The following EXOC6B variants were observed in gnomAD, a reference collection of about 807,000 sequenced individuals.
EXOC6B encodes SEC15 homolog B.
A neutral mutation model predicts 113.5 loss-of-function variants in EXOC6B; 54 were observed. The observed-to-expected ratio is 0.48, with a 90% CI of 0.38 to 0.60. The LOEUF is 0.60. Among genes scored for constraint, EXOC6B ranks in the 20% least tolerant of loss-of-function variants. The pLI is 0.00. For synonymous variants in EXOC6B, 357 were observed against 339.0 expected (o/e 1.05, Z -0.58); for missense variants, 797 against 977.5 (o/e 0.82, Z 2.46).
intron 19 of EXOC6B, among the ~76,000 whole-genome samples, chr2:72,367,967 A>G (rs1690743338): frequency 6.6e-6 from 1 of 152,180 alleles, no homozygotes; most frequent in East Asian, 1.9e-4. Flanking sequence ...AAGACAGTCT[A>G]GAACACAAGG....
At chr2:72,616,698 C>T (rs982654259) in intron 6 of EXOC6B, among the ~76,000 whole-genome samples, 3 of 152,082 alleles carry the variant, frequency 2.0e-5, no homozygotes, top group East Asian at 1.9e-4. Flanking sequence ...TATCCCCCAC[C>T]GAGTCCCTCC....
rs946284153 is a variant in EXOC6B at position 72,177,197 on chromosome 2, A to T, written c.*2138T>A. The T allele has an allele frequency of 2.0e-5, 3 of 152,294 alleles. No homozygotes were observed. Among genetic ancestry groups the T allele is most frequent in the Admixed American group, 6.5e-5 (1 of 15,300 alleles). 9.4% of individuals were successfully genotyped at this position (152,294 alleles called of 1,614,324 possible). On this transcript the variant is annotated 3_prime_UTR_variant, in exon 22 of 22. Coordinates refer to ENST00000272427, the MANE Select transcript of EXOC6B (RefSeq NM_015189.3). ...GGGACTTCTGTGCAGAATAACCCCT[A>T]TTCCTCCACCTTGTTCACTTTTTCC...
chr2:72,636,067 TA>T (rs1672796244), intron 6 of EXOC6B, among the ~76,000 whole-genome samples: 1 of 151,962 alleles, frequency 6.6e-6, no homozygotes, highest in Non-Finnish European at 1.5e-5. Flanking sequence ...AAAATTTCTT[TA>T]AAAAATTAGT....
chr2:72,779,042 G>A (rs1408769621), intron 1 of EXOC6B, among the ~76,000 whole-genome samples: 1 of 151,842 alleles, frequency 6.6e-6, no homozygotes, highest in Non-Finnish European at 1.5e-5. Context: ...AATAGCTCAT[G>A]TTTCTTCCAT....
intron 8 of EXOC6B, among the ~76,000 whole-genome samples, chr2:72,536,508 T>C (rs1386370464): frequency 1.3e-5 from 2 of 152,198 alleles, no homozygotes; most frequent in African/African-American, 4.8e-5. Flanking sequence ...TTTTTTAAAA[T>C]TGTAAAGGTT....
At position 72,671,808 on chromosome 2, in the gene EXOC6B, AAAGAAAGAAAG is replaced by A. The variant is rs1430611890; in HGVS notation, c.669+46284_669+46294del. 3.6e-4 allele frequency among the ~76,000 whole-genome samples: 50 copies of A among 139,724 alleles called. 1 individual carries two copies. Among genetic ancestry groups the A allele is most frequent in the African/African-American group, 1.2e-3 (46 of 38,802 alleles). The allele number at this position is 139,724 out of a possible 152,430, so 91.7% of individuals were successfully genotyped here. A position where few individuals can be genotyped will look rare whatever the true frequency, so the allele number is the denominator to read the frequency against. On this transcript the variant is annotated intron_variant, in intron 6 of 21. Coordinates refer to ENST00000272427, the MANE Select transcript of EXOC6B (RefSeq NM_015189.3). ...GAAAGAAAGAAAGAAAGAAAGAAAGAAAGAAAGAAAGAAGAGAAAAGAAAGAAGGAAAGAAT... is the reference window on the plus strand; with the variant it reads ...GAAAGAAAGAAAGAAAGAAAGAAAGAAAGAGAAAAGAAAGAAGGAAAGAAT...
At chr2:72,464,540 C>G (rs1558693787) in intron 18 of EXOC6B, 1 of 152,324 alleles carries the variant, frequency 6.6e-6, no homozygotes, top group African/African-American at 2.4e-5. Flanking sequence ...TGAACCTTTT[C>G]TGGTGGAAGA....
At chr2:72,744,613 T>G (rs575067381) in intron 1 of EXOC6B, among the ~76,000 whole-genome samples, 18 of 152,296 alleles carry the variant, frequency 1.2e-4, no homozygotes, top group African/African-American at 4.1e-4. Flanking sequence ...ATAAATTGCA[T>G]AAGCTGATAT....
chr2:72,241,110 G>C (rs1682284954), intron 20 of EXOC6B, among the ~76,000 whole-genome samples: 1 of 152,122 alleles, frequency 6.6e-6, no homozygotes, highest in Admixed American at 6.5e-5. Context: ...ATATGCTAAG[G>C]GTTCTAGTGG....
chr2:72,698,431 C>A (rs984825751), intron 6 of EXOC6B, among the ~76,000 whole-genome samples: 2 of 152,074 alleles, frequency 1.3e-5, no homozygotes, highest in Admixed American at 1.3e-4. Flanking sequence ...AACTCTTCAC[C>A]AAAGTAAAAT....
intron 20 of EXOC6B, among the ~76,000 whole-genome samples, chr2:72,184,820 C>A (rs926130391): frequency 6.6e-6 from 1 of 152,176 alleles, no homozygotes; most frequent in Non-Finnish European, 1.5e-5. Context: ...ATATGTGTTA[C>A]GTCTATGCAG....
At chr2:72,281,744 A>G (rs558714203) in intron 20 of EXOC6B, among the ~76,000 whole-genome samples, 2 of 152,328 alleles carry the variant, frequency 1.3e-5, no homozygotes, top group South Asian at 4.1e-4. Flanking sequence ...TTCAAGAGGA[A>G]TCTTAAACCC....
chr2:72,251,071 GC>G (rs556925319), intron 20 of EXOC6B, among the ~76,000 whole-genome samples: 2 of 152,044 alleles, frequency 1.3e-5, no homozygotes, highest in African/African-American at 4.8e-5. Context: ...CACGTAATCT[GC>G]CCCCCTTGGC....
At chr2:72,424,921 A>G (rs1267854520) in intron 18 of EXOC6B, among the ~76,000 whole-genome samples, 1 of 152,134 alleles carries the variant, frequency 6.6e-6, no homozygotes, top group Non-Finnish European at 1.5e-5. Flanking sequence ...TCTTGTACAG[A>G]TTATTTCATC....
intron 7 of EXOC6B, 126 bp from the exon 8 acceptor site, chr2:72,559,647 C>T (rs1703772728): frequency 6.3e-6 from 4 of 630,274 alleles, no homozygotes; most frequent in Non-Finnish European, 5.3e-6. Context: ...GTGAGAAATA[C>T]AAAACAAACA....
intron 20 of EXOC6B, 28 bp downstream of exon 20, chr2:72,334,919 A>G (rs1688602649): frequency 1.1e-5 from 17 of 1,609,898 alleles, no homozygotes; most frequent in Non-Finnish European, 1.4e-5. Flanking sequence ...TTAAAAGAAA[A>G]ACAAAAAACA....
At chr2:72,708,246 A>C (rs1380209976) in intron 6 of EXOC6B, among the ~76,000 whole-genome samples, 1 of 152,222 alleles carries the variant, frequency 6.6e-6, no homozygotes, top group Non-Finnish European at 1.5e-5. Context: ...ACATGGAAAA[A>C]TAGCAATGAC....
chr2:72,407,041 C>A (rs1299172716), intron 18 of EXOC6B, among the ~76,000 whole-genome samples: 2 of 151,976 alleles, frequency 1.3e-5, no homozygotes, highest in Non-Finnish European at 2.9e-5. Flanking sequence ...ATATCACCAC[C>A]GATCCCACAG....
chr2:72,755,481 C>G (rs1682353034), intron 1 of EXOC6B, among the ~76,000 whole-genome samples: 1 of 152,018 alleles, frequency 6.6e-6, no homozygotes, highest in African/African-American at 2.4e-5. Context: ...AGAGCCAAAG[C>G]AGTGCCCAAA....
Sources: gnomAD v4.1 joint callset for allele counts (sites outside exome capture counted in the v4.1 genomes callset) on GRCh38, gnomAD v4.1.1 for gene constraint, MANE v1.5 for transcripts, NCBI Gene and HGNC (gene_info 2026-07-23, HGNC 2026-07-21) for gene names.